PAM: variants seen among roughly 807,000 people sequenced by gnomAD.
The protein encoded by PAM is peptidyl-glycine alpha-amidating monooxygenase.
Under a neutral mutation model 122.1 loss-of-function variants are expected in PAM, and 72 were observed. The observed-to-expected ratio is 0.59, with a 90% CI of 0.49 to 0.72. The LOEUF (loss-of-function observed/expected upper bound fraction) is 0.72. PAM is among the 30% of genes least tolerant of loss of function. PAM has a pLI of 0.00. For missense variants in PAM, 1,106 were observed against 1,183.7 expected, an observed-to-expected ratio of 0.93 and a Z score of 0.96; for synonymous variants, 389 against 404.4, an observed-to-expected ratio of 0.96 and a Z score of 0.46.
chr5:102,762,583 A>C (rs1423479924), intron 1 of PAM, among the ~76,000 whole-genome samples: 1 of 152,142 alleles, frequency 6.6e-6, no homozygotes, highest in African/African-American at 2.4e-5. Context: ...GAAATAAGGA[A>C]ATAAAAGTAA....
chr5:102,779,918 T>TATATATACACACACAC lies in PAM; in HGVS notation c.-374+24571_-374+24572insTATATACACACACACA, dbSNP rs147065045. On this transcript the variant is annotated intron_variant, in intron 1 of 25. Transcript: ENST00000438793. ...ATATATATATATATATATATATATA[T>TATATATACACACACAC]ACACACATATATATATGTATATATC... is the stretch of plus-strand genomic sequence containing the variant. 2.1e-3 allele frequency among the ~76,000 whole-genome samples: 196 copies of TATATATACACACACAC among 95,606 alleles called. 3 individuals carry two copies. Among genetic ancestry groups the TATATATACACACACAC allele is most frequent in the African/African-American group, 6.3e-3 (139 of 22,036 alleles). 62.7% of individuals were successfully genotyped at this position (95,606 alleles called of 152,430 possible).
chr5:102,930,999 T>A (rs937749407), intron 7 of PAM, among the ~76,000 whole-genome samples: 1 of 152,054 alleles, frequency 6.6e-6, no homozygotes, highest in African/African-American at 2.4e-5. Context: ...CCTCGCTGAG[T>A]TTCTAAACCT....
intron 5 of PAM, among the ~76,000 whole-genome samples, chr5:102,918,865 G>A (rs1166456080): frequency 2.0e-5 from 3 of 152,036 alleles, no homozygotes; most frequent in Non-Finnish European, 2.9e-5. Flanking sequence ...TGATTAAAAC[G>A]AGTGGGCTTC....
chr5:103,021,620 GTCTT>G (rs1371006066), intron 23 of PAM, among the ~76,000 whole-genome samples: 2 of 152,162 alleles, frequency 1.3e-5, no homozygotes, highest in African/African-American at 2.4e-5. Context: ...TTATTGAAAT[GTCTT>G]GCCTTGACAG....
intron 4 of PAM, among the ~76,000 whole-genome samples, chr5:102,904,798 G>A (rs1049735459): frequency 9.2e-5 from 14 of 151,572 alleles, no homozygotes; most frequent in African/African-American, 3.1e-4. Flanking sequence ...GGCATTAAAA[G>A]TCAAAATTCG....
At chr5:103,028,681 C>T (rs1188300873) in intron 25 of PAM, among the ~76,000 whole-genome samples, 1 of 152,148 alleles carries the variant, frequency 6.6e-6, no homozygotes, top group Admixed American at 6.6e-5. Context: ...ATACATAATA[C>T]TTGGGAGCTT....
At chr5:103,003,645 A>C (rs539439295) in intron 17 of PAM, among the ~76,000 whole-genome samples, 2 of 152,264 alleles carry the variant, frequency 1.3e-5, no homozygotes, top group East Asian at 3.9e-4. Context: ...AATAATCTTA[A>C]GTTCCCAGGT....
intron 1 of PAM, among the ~76,000 whole-genome samples, chr5:102,781,599 G>A (rs902200155): frequency 6.6e-6 from 1 of 152,138 alleles, no homozygotes; most frequent in Non-Finnish European, 1.5e-5. Flanking sequence ...GTGCTGCTCA[G>A]CCAGGCTATA....
At chr5:102,856,327 T>A (rs927529211) in intron 1 of PAM, among the ~76,000 whole-genome samples, 3 of 152,154 alleles carry the variant, frequency 2.0e-5, no homozygotes, top group Admixed American at 6.5e-5. Context: ...GTCCTGAGCT[T>A]ATAAATAAAT....
At chr5:102,765,375 T>G (rs1753600168) in intron 1 of PAM, among the ~76,000 whole-genome samples, 1 of 152,220 alleles carries the variant, frequency 6.6e-6, no homozygotes, top group South Asian at 2.1e-4. Flanking sequence ...ATAAAACATG[T>G]ACAAAGTGTT....
chr5:102,962,700 G>C (rs1022897788), intron 14 of PAM, among the ~76,000 whole-genome samples: 1 of 151,756 alleles, frequency 6.6e-6, no homozygotes, highest in African/African-American at 2.4e-5. Flanking sequence ...TGTTAGTGAA[G>C]CGGTATTAAA....
In PAM at chr5:102,974,256, C is replaced by G. The variant is rs1208090379; in HGVS notation, c.1303C>G (p.Leu435Val). Residue 435 changes from leucine to valine, a missense_variant, in exon 15 of 26, where the codon CTT becomes GTT. Leu to Val is a conservative substitution (Grantham distance 32, BLOSUM62 1). This residue lies in a region of PAM where 670 missense variants were observed against 690.3 expected (regional missense o/e 0.97). Coordinates refer to ENST00000438793, the MANE Select transcript of PAM (RefSeq NM_001177306.2). ...TGCAAATGTAGTCCAAAAAAAGGATCTTGGTCGATCTGATGCCAGAGAGGG... is the reference window on the plus strand; with the variant it reads ...TGCAAATGTAGTCCAAAAAAAGGATGTTGGTCGATCTGATGCCAGAGAGGG... ...EIANVVQKKD[L>V]GRSDAREGAE... is the part of the protein sequence containing the mutation. The G allele has an allele frequency of 1.2e-6, 2 of 1,614,004 alleles. No homozygotes were observed. Among genetic ancestry groups the G allele is most frequent in the Admixed American group, 3.3e-5 (2 of 59,994 alleles).
At chr5:102,967,737 A>G (rs1300522295) in intron 14 of PAM, among the ~76,000 whole-genome samples, 1 of 124,588 alleles carries the variant, frequency 8.0e-6, no homozygotes, top group African/African-American at 3.1e-5. Context: ...TTTTTTTGAG[A>G]TGGAGTCTTG....
intron 1 of PAM, among the ~76,000 whole-genome samples, chr5:102,845,398 C>G (rs1779723945): frequency 6.6e-6 from 1 of 152,132 alleles, no homozygotes; most frequent in Non-Finnish European, 1.5e-5. Context: ...AAACAAGAGT[C>G]AAAGCATAAT....
chr5:102,938,503 A>G (rs994372958), intron 7 of PAM, among the ~76,000 whole-genome samples: 1 of 152,162 alleles, frequency 6.6e-6, no homozygotes, highest in Non-Finnish European at 1.5e-5. Flanking sequence ...TTTTTGGGAA[A>G]AGAAAAGCTT....
chr5:103,013,277 C>T (rs945258071), intron 21 of PAM, among the ~76,000 whole-genome samples: 9 of 151,432 alleles, frequency 5.9e-5, no homozygotes, highest in African/African-American at 9.7e-5. Flanking sequence ...TTGTAGAGAT[C>T]TTTCACTTCT....
chr5:102,918,788 C>T (rs1746365651), intron 5 of PAM, among the ~76,000 whole-genome samples: 1 of 151,970 alleles, frequency 6.6e-6, no homozygotes. Context: ...TTCTGCTGAG[C>T]ACAGGACATA....
At chr5:102,846,533 C>T (rs955580786) in intron 1 of PAM, among the ~76,000 whole-genome samples, 4 of 138,326 alleles carry the variant, frequency 2.9e-5, no homozygotes, top group Non-Finnish European at 6.0e-5. Context: ...ACAGCTTCCT[C>T]CTGGAAGCTG....
At chr5:102,812,235 T>G (rs1768141704) in intron 1 of PAM, among the ~76,000 whole-genome samples, 1 of 152,156 alleles carries the variant, frequency 6.6e-6, no homozygotes, top group African/African-American at 2.4e-5. Context: ...ACTTTAAACA[T>G]GAGGGCAACA....
Sources: allele counts gnomAD v4.1 joint callset (sites outside exome capture counted in the v4.1 genomes callset), GRCh38; gene constraint gnomAD v4.1.1; regional missense constraint gnomAD v4.1.1; transcripts MANE v1.5; gene names NCBI Gene and HGNC (gene_info 2026-07-23, HGNC 2026-07-21).